Variants in NEK7 observed in about 807,000 individuals in gnomAD.
The protein encoded by NEK7 is NIMA related kinase 7, also known as serine/threonine-protein kinase Nek7.
NEK7 carries 18 observed loss-of-function variants against 44.6 expected under a neutral mutation model. That is an observed-to-expected ratio of 0.40 (90% CI 0.28 to 0.60). NEK7 has a LOEUF of 0.60. Among genes scored for constraint, NEK7 ranks in the 20% least tolerant of loss-of-function variants. The pLI is 0.38. For missense variants in NEK7, 256 were observed against 366.5 expected, an observed-to-expected ratio of 0.70 and a Z score of 2.46; for synonymous variants, 130 against 121.1, an observed-to-expected ratio of 1.07 and a Z score of -0.48.
chr1:198,232,407 A>G lies in NEK7; in HGVS notation c.-28-146A>G, dbSNP rs1666421154. On this transcript the variant is annotated intron_variant, in intron 1 of 9. Transcript: ENST00000367385. The stretch of plus-strand genomic sequence containing the variant: ...GAGCTAACTAGAGCTTGGATTTAGC[A>G]AATGGCAAAAGAGTGTGGTATATCT... 10 of 466,514 alleles carry G rather than the reference A, an allele frequency of 2.1e-5. No homozygotes were observed. In the South Asian group the frequency reaches 2.9e-4, roughly 13 times the overall value. The allele number at this position is 466,514 out of a possible 1,614,324, so 28.9% of individuals were successfully genotyped here.
At position 198,319,634 on chromosome 1, in the gene NEK7, TG is replaced by T; in HGVS notation, c.*113del. 11 of 1,288,764 alleles carry T rather than the reference TG, an allele frequency of 8.5e-6. No homozygotes were observed. The South Asian group carries it at 1.3e-4, about 15-fold the overall frequency. 79.8% of individuals were successfully genotyped at this position (1,288,764 alleles called of 1,614,324 possible). ...TTAATATTTCAGAGCTAGTGTGCTT[TG>T]AATCCTTAACCAGTTTTCATATAAG... On this transcript the variant is annotated 3_prime_UTR_variant, in exon 10 of 10. Transcript: ENST00000367385.
chr1:198,319,277 T>G, intron 9 of NEK7, 135 bp from the exon 10 acceptor site: 1 of 593,044 alleles, frequency 1.7e-6, no homozygotes, highest in Non-Finnish European at 3.0e-6. Flanking sequence ...TATATATATT[T>G]CTAGTACAGT....
At position 198,264,286 on chromosome 1, in the gene NEK7, T is replaced by C. The variant is rs377101584; in HGVS notation, c.372+51T>C. The C allele has an allele frequency of 7.6e-4, 1,011 of 1,332,554 alleles. 3 individuals carry two copies. The highest frequency in any genetic ancestry group is 1.0e-3 in the Non-Finnish European group (959 of 942,072). The allele number at this position is 1,332,554 out of a possible 1,614,324, so 82.5% of individuals were successfully genotyped here. On this transcript the variant is annotated intron_variant, in intron 5 of 9. Transcript: ENST00000367385. ...TGTTTTGTTTTGTTTTTTTTTCTAA[T>C]AGAATTGTCTGTTAAACACATAGGG...
chr1:198,295,305 C>T (rs1248315701), intron 8 of NEK7, among the ~76,000 whole-genome samples: 1 of 152,048 alleles, frequency 6.6e-6, no homozygotes, highest in Non-Finnish European at 1.5e-5. Flanking sequence ...CCACCAGCCC[C>T]GAAGACAGAC....
At chr1:198,169,459 CA>C (rs1216554834) in intron 1 of NEK7, among the ~76,000 whole-genome samples, 2 of 152,128 alleles carry the variant, frequency 1.3e-5, no homozygotes, top group Non-Finnish European at 2.9e-5. Flanking sequence ...AAGGAACGAC[CA>C]AATGCTGTAC....
At chr1:198,265,401 C>T (rs1352646120) in intron 5 of NEK7, among the ~76,000 whole-genome samples, 1 of 152,128 alleles carries the variant, frequency 6.6e-6, no homozygotes, top group Non-Finnish European at 1.5e-5. Flanking sequence ...GGGAGTCAGC[C>T]AGTCATCACT....
intron 1 of NEK7, among the ~76,000 whole-genome samples, chr1:198,214,018 C>G (rs142818837): frequency 4.6e-5 from 7 of 152,130 alleles, no homozygotes; most frequent in Admixed American, 6.6e-5. Flanking sequence ...TGCTCATATA[C>G]CCGGCACATT....
intron 1 of NEK7, among the ~76,000 whole-genome samples, chr1:198,207,465 GA>G (rs1426032558): frequency 1.3e-5 from 2 of 152,092 alleles, no homozygotes; most frequent in African/African-American, 4.8e-5. Flanking sequence ...AAACAATGCA[GA>G]CCCCCCTCAG....
At chr1:198,319,231 A>T (rs1261009063) in intron 9 of NEK7, among the ~76,000 whole-genome samples, 181 bp from the exon 10 acceptor site, 1 of 152,220 alleles carries the variant, frequency 6.6e-6, no homozygotes, top group East Asian at 1.9e-4. Context: ...ACTTCATAGA[A>T]CATTTAACTT....
intron 8 of NEK7, 138 bp from the exon 9 acceptor site, chr1:198,296,989 A>G: frequency 3.7e-6 from 2 of 547,492 alleles, no homozygotes; most frequent in Non-Finnish European, 6.2e-6. Context: ...AGAAGGGGAT[A>G]TTCATAAAAA....
At chr1:198,244,538 G>C (rs1181330400) in intron 2 of NEK7, among the ~76,000 whole-genome samples, 1 of 152,036 alleles carries the variant, frequency 6.6e-6, no homozygotes, top group Non-Finnish European at 1.5e-5. Context: ...CTATGTGAAG[G>C]AAGCTCAGTA....
rs1491101432 is a variant in NEK7, at chr1:198,252,568, A to ATATATATATATAT, written c.58-472_58-471insTATATATATATAT. On this transcript the variant is annotated intron_variant, in intron 2 of 9. Coordinates refer to ENST00000367385, the MANE Select transcript of NEK7 (RefSeq NM_133494.3). ...TATATATATATATATATATATATAT[A>ATATATATATATAT]AAAAGTACATATATACACATATATA... Among the ~76,000 whole-genome samples, 99 of 63,262 alleles carry ATATATATATATAT rather than the reference A, an allele frequency of 1.6e-3. 3 individuals carry two copies. Among genetic ancestry groups the ATATATATATATAT allele is most frequent in the African/African-American group, 3.0e-3 (46 of 15,170 alleles). 41.5% of individuals were successfully genotyped at this position (63,262 alleles called of 152,430 possible). A position where few individuals can be genotyped will look rare whatever the true frequency, so the allele number is the denominator to read the frequency against.
At chr1:198,315,347 G>A (rs914893435) in intron 9 of NEK7, among the ~76,000 whole-genome samples, 5 of 152,204 alleles carry the variant, frequency 3.3e-5, no homozygotes, top group African/African-American at 1.2e-4. Context: ...GCACTCCCTA[G>A]TGAGATGAAC....
chr1:198,256,311 T>A (rs1201364560), intron 3 of NEK7: 2 of 1,595,720 alleles, frequency 1.3e-6, no homozygotes, highest in Non-Finnish European at 1.7e-6. Flanking sequence ...TGTTCAGCTC[T>A]GGCCATTTTC....
intron 1 of NEK7, among the ~76,000 whole-genome samples, chr1:198,161,062 A>G (rs1327985308): frequency 1.3e-5 from 2 of 152,202 alleles, no homozygotes; most frequent in African/African-American, 2.4e-5. Context: ...CTATTTAGGT[A>G]ATGAGGTTAT....
At chr1:198,260,787 T>C (rs1653436286) in intron 3 of NEK7, among the ~76,000 whole-genome samples, 1 of 152,072 alleles carries the variant, frequency 6.6e-6, no homozygotes, top group South Asian at 2.1e-4. Context: ...ACCAAAATAA[T>C]GTTAGTGAAA....
intron 1 of NEK7, among the ~76,000 whole-genome samples, chr1:198,201,085 G>A (rs1215877363): frequency 1.3e-5 from 2 of 152,102 alleles, no homozygotes; most frequent in East Asian, 3.8e-4. Flanking sequence ...AATGTGTGGA[G>A]TATATTTTCA....
chr1:198,226,992 A>T (rs899678576), intron 1 of NEK7, among the ~76,000 whole-genome samples: 20 of 152,038 alleles, frequency 1.3e-4, no homozygotes, highest in Non-Finnish European at 1.9e-4. Flanking sequence ...AACATTAGGT[A>T]TATCTCCTAA....
intron 5 of NEK7, among the ~76,000 whole-genome samples, chr1:198,269,794 T>G (rs933192869): frequency 1.3e-5 from 2 of 152,098 alleles, no homozygotes; most frequent in Non-Finnish European, 2.9e-5. Flanking sequence ...TATTCAGTAT[T>G]TCTCTAATTA....
Sources: allele counts gnomAD v4.1 joint callset (sites outside exome capture counted in the v4.1 genomes callset), GRCh38; gene constraint gnomAD v4.1.1; transcripts MANE v1.5; gene names NCBI Gene and HGNC (gene_info 2026-07-23, HGNC 2026-07-21).